DAB1: variants seen among roughly 807,000 people sequenced by gnomAD.
DAB1 encodes the protein DAB adaptor protein 1.
A neutral mutation model predicts 64.6 loss-of-function variants in DAB1; 15 were observed. The observed-to-expected ratio is 0.23, with a 90% CI of 0.16 to 0.36. The LOEUF (loss-of-function observed/expected upper bound fraction) is 0.36. Ranked by LOEUF, DAB1 falls within the 10% of genes least tolerant of loss-of-function variation. DAB1 has a pLI of 1.00. For missense variants in DAB1, 596 were observed against 706.7 expected (o/e 0.84, Z 1.78); for synonymous variants, 235 against 251.9 (o/e 0.93, Z 0.64).
chr1:57,114,387 A>G (rs1655928455), intron 4 of DAB1, among the ~76,000 whole-genome samples: 1 of 152,216 alleles, frequency 6.6e-6, no homozygotes, highest in Non-Finnish European at 1.5e-5. Flanking sequence ...GGGTTGGCAA[A>G]GAAACCTCCT....
intron 1 of DAB1, among the ~76,000 whole-genome samples, chr1:57,399,086 G>C (rs1291980144): frequency 6.6e-6 from 1 of 151,598 alleles, no homozygotes; most frequent in South Asian, 2.1e-4. Flanking sequence ...ATAAGCCAGA[G>C]TTGAGGAACT....
intron 9 of DAB1, among the ~76,000 whole-genome samples, chr1:57,031,151 CA>C (rs1257909327): frequency 1.3e-5 from 2 of 152,158 alleles, no homozygotes; most frequent in Non-Finnish European, 2.9e-5. Flanking sequence ...AGGCATAAAA[CA>C]TAGATTGTTA....
intron 1 of DAB1, among the ~76,000 whole-genome samples, chr1:57,307,966 C>A (rs1674340753): frequency 6.6e-6 from 1 of 152,168 alleles, no homozygotes; most frequent in African/African-American, 2.4e-5. Flanking sequence ...ATCTCTGCAC[C>A]TTTGCCCAGC....
intron 1 of DAB1, among the ~76,000 whole-genome samples, chr1:57,845,611 C>G (rs1451570914): frequency 6.6e-6 from 1 of 152,096 alleles, no homozygotes; most frequent in Admixed American, 6.5e-5. Flanking sequence ...TAATAAGCTT[C>G]CTTATACATT....
intron 4 of DAB1, among the ~76,000 whole-genome samples, chr1:58,258,499 G>C: frequency 6.6e-6 from 1 of 152,136 alleles, no homozygotes; most frequent in South Asian, 2.1e-4. Flanking sequence ...GCCTTGGACT[G>C]GGCAGTTACC....
At chr1:58,480,490 GAA>G (rs1645462698) in intron 3 of DAB1, among the ~76,000 whole-genome samples, 1 of 152,050 alleles carries the variant, frequency 6.6e-6, no homozygotes, top group Admixed American at 6.6e-5. Context: ...TGAAGACAAG[GAA>G]ATTCTCTATC....
intron 3 of DAB1, among the ~76,000 whole-genome samples, chr1:58,501,927 G>GC (rs781450847): frequency 4.3e-4 from 65 of 151,780 alleles, no homozygotes; most frequent in Admixed American, 1.8e-3. Context: ...CCTCCTCACT[G>GC]CCCCCCACTC....
intron 3 of DAB1, among the ~76,000 whole-genome samples, chr1:58,393,601 T>C (rs1042534198): frequency 1.3e-5 from 2 of 152,158 alleles, no homozygotes; most frequent in African/African-American, 4.8e-5. Flanking sequence ...AATATTATAT[T>C]CATCATGAAG....
At chr1:58,256,099 TGA>T (rs1660921896) in intron 4 of DAB1, among the ~76,000 whole-genome samples, 1 of 152,108 alleles carries the variant, frequency 6.6e-6, no homozygotes, top group Admixed American at 6.6e-5. Flanking sequence ...TCAGCCCTTC[TGA>T]GAGGGAGAGA....
chr1:58,414,779 A>T (rs559473670), intron 3 of DAB1, among the ~76,000 whole-genome samples: 155 of 151,524 alleles, frequency 1.0e-3, no homozygotes, highest in African/African-American at 3.7e-3. Flanking sequence ...CAAAAAAATT[A>T]AAAAAAAATA....
chr1:57,372,088 G>GA (rs1438030327), intron 1 of DAB1, among the ~76,000 whole-genome samples: 1 of 152,108 alleles, frequency 6.6e-6, no homozygotes, highest in Non-Finnish European at 1.5e-5. Flanking sequence ...CTTTTTCTAA[G>GA]AAAAAGTCTA....
At chr1:57,385,450 A>G (rs1228259774) in intron 1 of DAB1, among the ~76,000 whole-genome samples, 1 of 152,142 alleles carries the variant, frequency 6.6e-6, no homozygotes, top group Non-Finnish European at 1.5e-5. Flanking sequence ...CACTTTCTGG[A>G]TCATCTGTAA....
intron 5 of DAB1, among the ~76,000 whole-genome samples, chr1:57,905,637 G>C (rs6699475): frequency 6.6e-6 from 1 of 152,002 alleles, no homozygotes; most frequent in South Asian, 2.1e-4. Flanking sequence ...CTGGGCTAGA[G>C]ATGTAAACTT....
Position 58,053,030 on chromosome 1 carries a change from C to T in DAB1, n.387+97481G>A, listed in dbSNP as rs1368122752. ...AGAGCGAAAATGGGGAGCTGCCAGG[C>T]TTTTTTAAACAATAAGCGTTCATGG... On this transcript the variant is annotated intron_variant and non_coding_transcript_variant, in intron 5 of 20. Coordinates refer to the DAB1 transcript ENST00000485760. Among the ~76,000 whole-genome samples the T allele has an allele frequency of 5.9e-5, 9 of 152,186 alleles. No homozygotes were observed. The East Asian group carries it at 1.7e-3, about 29-fold the overall frequency.
chr1:57,233,419 C>G (rs1398822680), intron 2 of DAB1, among the ~76,000 whole-genome samples: 1 of 151,138 alleles, frequency 6.6e-6, no homozygotes, highest in Non-Finnish European at 1.5e-5. Flanking sequence ...CCCGCCATTA[C>G]GCCTGGCTAA....
chr1:57,396,319 G>T (rs577029526), intron 1 of DAB1, among the ~76,000 whole-genome samples: 3 of 152,330 alleles, frequency 2.0e-5, no homozygotes, highest in Non-Finnish European at 4.4e-5. Flanking sequence ...CTATCATGAA[G>T]CACGTTTCAG....
intron 4 of DAB1, among the ~76,000 whole-genome samples, chr1:58,153,192 C>T (rs758551866): frequency 1.3e-5 from 2 of 152,158 alleles, no homozygotes; most frequent in South Asian, 2.1e-4. Context: ...CCTTTACCCC[C>T]GAGTGCCTGA....
At chr1:58,410,927 A>C (rs930943409) in intron 3 of DAB1, among the ~76,000 whole-genome samples, 2 of 152,156 alleles carry the variant, frequency 1.3e-5, no homozygotes, top group South Asian at 4.1e-4. Context: ...ATTTCCCCAA[A>C]GCACAAGTGT....
intron 1 of DAB1, among the ~76,000 whole-genome samples, chr1:57,351,303 G>A (rs991034146): frequency 7.2e-5 from 11 of 152,020 alleles, no homozygotes; most frequent in East Asian, 3.9e-4. Context: ...GGACAACACA[G>A]AAGTAGGCAC....
Sources: allele counts gnomAD v4.1 joint callset (sites outside exome capture counted in the v4.1 genomes callset), GRCh38; gene constraint gnomAD v4.1.1; transcripts MANE v1.5; gene names NCBI Gene and HGNC (gene_info 2026-07-23, HGNC 2026-07-21).